The following PCDH11X variants were observed in gnomAD, a reference collection of about 807,000 sequenced individuals.
PCDH11X encodes the protein protocadherin-11 X-linked.
In PCDH11X, 18 loss-of-function variants were observed where a neutral mutation model predicts 53.3. The observed-to-expected ratio is 0.34, with a 90% CI of 0.23 to 0.50. The LOEUF is 0.50. PCDH11X is among the 20% of genes least tolerant of loss of function. The pLI, the probability that PCDH11X is intolerant of heterozygous loss-of-function variation, is 0.98. For missense variants in PCDH11X, 570 were observed against 1,032.4 expected (o/e 0.55, Z 6.14); for synonymous variants, 279 against 393.3 (o/e 0.71, Z 3.44).
At position 92,340,622 on chromosome X, in the gene PCDH11X, G is replaced by T. The variant is rs750655959; in HGVS notation, c.3145-47113G>T. ...ATCTGAGGCCCTTAGAGCTGAGACT[G>T]GAAACAAAGCAACTGGGATGTGAGG... is the stretch of plus-strand genomic sequence containing the variant. On this transcript the variant is annotated intron_variant, in intron 8 of 10. Coordinates refer to ENST00000682573, the MANE Select transcript of PCDH11X (RefSeq NM_032968.5). Among the ~76,000 whole-genome samples the T allele has an allele frequency of 1.1e-4, 12 of 111,990 alleles. No homozygotes were observed. The East Asian group carries it at 2.0e-3, about 19-fold the overall frequency.
chrX:92,176,954 GTTTTTTTTTTTCTT>G (rs1409165696), intron 6 of PCDH11X, among the ~76,000 whole-genome samples: 22 of 101,957 alleles, frequency 2.2e-4, no homozygotes, highest in African/African-American at 7.1e-4. Context: ...GTACAACGTA[GTTTTTTTTTTTCTT>G]TTTTTTTTGG....
chrX:92,076,166 C>T (rs898926492), intron 6 of PCDH11X, among the ~76,000 whole-genome samples: 54 of 107,445 alleles, frequency 5.0e-4, no homozygotes, highest in African/African-American at 1.8e-3. Flanking sequence ...GAAAAAATTC[C>T]GTGTAAGGAA....
chrX:91,831,061 A>G (rs1937089627), intron 4 of PCDH11X, among the ~76,000 whole-genome samples: 1 of 112,040 alleles, frequency 8.9e-6, no homozygotes. Flanking sequence ...TGCATATAGT[A>G]GATGCCTAGC....
rs758088746 is a variant in PCDH11X, at chrX:92,326,639, T to TATAGAG, written c.3145-61095_3145-61094insTAGAGA. Reference sequence around the variant, plus strand: ...TTAATAAACTATATATATATATATATAGAGAGAGAGAGAGAGAGAGAGAGA... The same window carrying TATAGAG: ...TTAATAAACTATATATATATATATATATAGAGAGAGAGAGAGAGAGAGAGAGAGAGA... On this transcript the variant is annotated intron_variant, in intron 8 of 10. Coordinates refer to ENST00000682573, the MANE Select transcript of PCDH11X (RefSeq NM_032968.5). 3.1e-4 allele frequency among the ~76,000 whole-genome samples: 12 copies of TATAGAG among 39,303 alleles called. 2 individuals are homozygous for TATAGAG. The highest frequency in any genetic ancestry group is 2.0e-3 in the African/African-American group (12 of 5,927). 34.1% of individuals were successfully genotyped at this position (39,303 alleles called of 115,157 possible). A position where few individuals can be genotyped will look rare whatever the true frequency, so the allele number is the denominator to read the frequency against.
At chrX:92,548,892 ATAAAT>A (rs201114025) in intron 10 of PCDH11X, among the ~76,000 whole-genome samples, 1,107 of 107,986 alleles carry the variant, frequency 0.01, 9 homozygotes, top group South Asian at 0.072. Flanking sequence ...CAGTCAAAAC[ATAAAT>A]TAAAGGCTCA....
intron 10 of PCDH11X, among the ~76,000 whole-genome samples, chrX:92,600,323 AG>A (rs1251951152): frequency 2.7e-5 from 3 of 110,688 alleles, no homozygotes; most frequent in East Asian, 5.7e-4. Flanking sequence ...GGGGGTGTCT[AG>A]GAGGAAAAAA....
chrX:92,473,845 A>C (rs1229267175), intron 10 of PCDH11X, among the ~76,000 whole-genome samples: 1 of 111,623 alleles, frequency 9.0e-6, no homozygotes, highest in East Asian at 2.8e-4. Context: ...GAATGTTTTA[A>C]GAATTGTTTT....
chrX:92,231,080 C>A (rs745988646), intron 7 of PCDH11X, among the ~76,000 whole-genome samples: 3 of 111,349 alleles, frequency 2.7e-5, no homozygotes, highest in Non-Finnish European at 5.6e-5. Context: ...CAGCTTGAGG[C>A]AGTTTTCAGT....
At chrX:92,583,848 C>A (rs1391273132) in intron 10 of PCDH11X, among the ~76,000 whole-genome samples, 1 of 88,514 alleles carries the variant, frequency 1.1e-5, no homozygotes, top group Non-Finnish European at 2.2e-5. Context: ...TTGGGTATGT[C>A]TTTATCAGCA....
At position 92,623,134 on chromosome X, in the gene PCDH11X, G is replaced by A. The variant is rs1161413869; in HGVS notation, c.*4194G>A. Reference sequence around the variant, plus strand: ...ATTGTATGGCCAAGGATGGCAGTATGTAATCCAGAAGCAAACTTGTATTAA... The same window carrying A: ...ATTGTATGGCCAAGGATGGCAGTATATAATCCAGAAGCAAACTTGTATTAA... On this transcript the variant is annotated 3_prime_UTR_variant, in exon 11 of 11. Transcript: ENST00000682573. 9.1e-6 allele frequency: 1 copy of A among 110,291 alleles called. No homozygotes were observed. Among genetic ancestry groups the A allele is most frequent in the Admixed American group, 9.8e-5 (1 of 10,240 alleles). The allele number at this position is 110,291 out of a possible 1,213,427, so 9.1% of individuals were successfully genotyped here. A position where few individuals can be genotyped will look rare whatever the true frequency, so the allele number is the denominator to read the frequency against.
chrX:92,296,316 G>A (rs911708075), intron 8 of PCDH11X, among the ~76,000 whole-genome samples: 3 of 110,210 alleles, frequency 2.7e-5, no homozygotes, highest in Non-Finnish European at 5.7e-5. Context: ...CATGTGACAG[G>A]AGTTAAATAT....
At chrX:92,219,238 G>T (rs1389439619) in intron 7 of PCDH11X, among the ~76,000 whole-genome samples, 1 of 110,750 alleles carries the variant, frequency 9.0e-6, no homozygotes, top group Non-Finnish European at 1.9e-5. Flanking sequence ...ATTCAATTAG[G>T]AAAAGAGGAA....
chrX:92,005,065 C>T (rs1391720171), intron 6 of PCDH11X, among the ~76,000 whole-genome samples: 10 of 111,011 alleles, frequency 9.0e-5, no homozygotes, highest in Non-Finnish European at 1.7e-4. Flanking sequence ...TGAGCCACTG[C>T]GCCTGGCCTA....
At chrX:92,428,784 C>G (rs1471024737) in intron 9 of PCDH11X, among the ~76,000 whole-genome samples, 1 of 110,840 alleles carries the variant, frequency 9.0e-6, no homozygotes, top group Non-Finnish European at 1.9e-5. Context: ...GTCAAAACAC[C>G]TGGAAATTTA....
intron 6 of PCDH11X, among the ~76,000 whole-genome samples, chrX:92,116,182 T>G (rs5984151): frequency 0.013 from 1,482 of 112,582 alleles, 19 homozygotes; most frequent in African/African-American, 0.045. Context: ...ATTTTTAATT[T>G]TTCTTGAGAC....
chrX:91,825,668 A>C (rs1472336318), intron 4 of PCDH11X, among the ~76,000 whole-genome samples: 2 of 108,506 alleles, frequency 1.8e-5, no homozygotes, highest in African/African-American at 3.6e-5. Flanking sequence ...TGTAGACCGG[A>C]GCTGTTCCTA....
chrX:92,426,347 C>T (rs1342999337), intron 9 of PCDH11X, among the ~76,000 whole-genome samples: 1 of 99,724 alleles, frequency 1.0e-5, no homozygotes, highest in African/African-American at 3.7e-5. Context: ...CAATTTGAAA[C>T]ATTACTGTCC....
chrX:91,794,453 A>G (rs1935664434), intron 1 of PCDH11X, among the ~76,000 whole-genome samples: 1 of 111,891 alleles, frequency 8.9e-6, no homozygotes, highest in Non-Finnish European at 1.9e-5. Context: ...TTTTTAATAA[A>G]GGAAGGAAAA....
In PCDH11X at chrX:91,981,758, G is replaced by C. The variant is rs1017679181; in HGVS notation, c.3033+102485G>C. ...GTGGATGGCAGCAGGCAAAAAGAGA[G>C]CTTGTGCAGGGTAACTCCTGTTGTT... On this transcript the variant is annotated intron_variant, in intron 6 of 10. Transcript: ENST00000682573. Among the ~76,000 whole-genome samples the C allele has an allele frequency of 3.7e-5, 4 of 108,015 alleles. 1 individual carries two copies. Among genetic ancestry groups the C allele is most frequent in the Non-Finnish European group, 7.7e-5 (4 of 52,251 alleles). The allele number at this position is 108,015 out of a possible 115,157, so 93.8% of individuals were successfully genotyped here. A position where few individuals can be genotyped will look rare whatever the true frequency, so the allele number is the denominator to read the frequency against.
Sources: gnomAD v4.1 joint callset for allele counts (sites outside exome capture counted in the v4.1 genomes callset) on GRCh38, gnomAD v4.1.1 for gene constraint, MANE v1.5 for transcripts, NCBI Gene and HGNC (gene_info 2026-07-23, HGNC 2026-07-21) for gene names.